Variants in EBNA1BP2 observed in about 807,000 individuals in gnomAD.
The protein encoded by EBNA1BP2 is EBNA1 binding protein 2.
EBNA1BP2 carries 36 observed loss-of-function variants against 43.5 expected under a neutral mutation model. That is an observed-to-expected ratio of 0.83 (90% confidence interval 0.63 to 1.09). The LOEUF (loss-of-function observed/expected upper bound fraction) is 1.09. Among genes scored for constraint, EBNA1BP2 ranks in the 50% least tolerant of loss-of-function variants. EBNA1BP2 has a pLI of 0.00. For missense variants in EBNA1BP2, 332 were observed against 379.1 expected (o/e 0.88, Z 1.03); for synonymous variants, 127 against 141.3 (o/e 0.90, Z 0.72).
At chr1:43,168,220 C>A (rs538240816) in intron 5 of EBNA1BP2, among the ~76,000 whole-genome samples, 62 of 152,312 alleles carry the variant, frequency 4.1e-4, no homozygotes, top group Middle Eastern at 6.8e-3. Flanking sequence ...TGACTCCAAA[C>A]GTGGACAAGA....
upstream of EBNA1BP2, chr1:43,172,524 A>G: frequency 1.5e-6 from 2 of 1,340,232 alleles, no homozygotes; most frequent in South Asian, 1.3e-5. Flanking sequence ...AAGGCAGAAA[A>G]AGGAGCCGCG....
chr1:43,166,749 T>C, intron 7 of EBNA1BP2, 77 bp downstream of exon 7: 3 of 1,422,984 alleles, frequency 2.1e-6, no homozygotes, highest in Non-Finnish European at 2.9e-6. Context: ...GTGGAGGTGC[T>C]ATGTCTGCCA....
intron 4 of EBNA1BP2, among the ~76,000 whole-genome samples, 168 bp downstream of exon 4, chr1:43,170,588 A>C (rs1269379125): frequency 6.6e-6 from 1 of 152,192 alleles, no homozygotes; most frequent in Non-Finnish European, 1.5e-5. Context: ...TATGCATCTA[A>C]TTGGTGGTAA....
intron 7 of EBNA1BP2, 99 bp downstream of exon 7, chr1:43,166,727 A>G (rs1644920651): frequency 8.1e-7 from 1 of 1,239,384 alleles, no homozygotes; most frequent in East Asian, 2.3e-5. Flanking sequence ...TCTGGACTCT[A>G]TGGCTGCGCC....
chr1:43,171,966 G>A lies in EBNA1BP2; in HGVS notation c.70C>T (p.Gln24Ter), dbSNP rs750431554. The A allele has an allele frequency of 2.5e-6, 4 of 1,614,050 alleles. No individual in the cohort carries two copies. The highest frequency in any genetic ancestry group is 3.4e-6 in the Non-Finnish European group (4 of 1,180,028). The change falls in exon 2 of 9, where the codon CAG (glutamine) becomes TAG (stop). Residue 24 changes from glutamine (Q) to a stop codon, truncating the protein, a stop_gained. Coordinates refer to ENST00000236051, the MANE Select transcript of EBNA1BP2 (RefSeq NM_006824.3). LOFTEE classifies it high-confidence loss of function. The stretch of plus-strand genomic sequence containing the variant: ...AGAAGCCCTCGGGAAAACGCATCCT[G>A]CAACTGCAGGACACAATCACGGTCA... ...DESLVTDREL[Q>*]DAFSRGLLKP...
intron 5 of EBNA1BP2, 95 bp from the exon 6 acceptor site, chr1:43,167,330 C>A: frequency 8.5e-7 from 1 of 1,171,744 alleles, no homozygotes; most frequent in South Asian, 1.2e-5. Flanking sequence ...AATACCACTA[C>A]CCTCTGACAT....
intron 5 of EBNA1BP2, among the ~76,000 whole-genome samples, chr1:43,167,851 AGGATATTTAGC>A (rs1644929091): frequency 6.6e-6 from 1 of 152,132 alleles, no homozygotes; most frequent in Non-Finnish European, 1.5e-5. Flanking sequence ...CCTACACTGT[AGGATATTTAGC>A]GGCACCCCTG....
At position 43,172,231 on chromosome 1, in the gene EBNA1BP2, A is replaced by G; in HGVS notation, c.-113T>C. 2 of 1,569,942 alleles carry G rather than the reference A, an allele frequency of 1.3e-6. No individual in the cohort carries two copies. Among genetic ancestry groups the G allele is most frequent in the Non-Finnish European group, 1.7e-6 (2 of 1,156,728 alleles). ...TGCCTGCCTTCAGCCCCCTACTCCCACGCCGTGGCTCCACGTGCCACCGAA... is the reference window on the plus strand; with the variant it reads ...TGCCTGCCTTCAGCCCCCTACTCCCGCGCCGTGGCTCCACGTGCCACCGAA... On this transcript the variant is annotated 5_prime_UTR_variant, in exon 1 of 9. Transcript: ENST00000236051.
At chr1:43,168,250 A>G (rs1172050208) in intron 5 of EBNA1BP2, among the ~76,000 whole-genome samples, 1 of 152,182 alleles carries the variant, frequency 6.6e-6, no homozygotes, top group African/African-American at 2.4e-5. Flanking sequence ...CCCAGATCAC[A>G]AGTGCTTATG....
chr1:43,164,371 G>T lies in EBNA1BP2; in HGVS notation c.*72C>A. On this transcript the variant is annotated 3_prime_UTR_variant, in exon 9 of 9. Coordinates refer to ENST00000236051, the MANE Select transcript of EBNA1BP2 (RefSeq NM_006824.3). ...TGTTTACAACATGACACCAACAGAA[G>T]GGATCAAAGTGTGTCGTGAAATTGC... The T allele has an allele frequency of 6.4e-7, 1 of 1,568,836 alleles. No homozygotes were observed.
rs889443866 is a variant in EBNA1BP2, at chr1:43,172,079, C to G, written c.40G>C (p.Asp14His). 1 of 1,614,106 alleles carries G rather than the reference C, an allele frequency of 6.2e-7. No homozygotes were observed. Among genetic ancestry groups the G allele is most frequent in the South Asian group, 1.1e-5 (1 of 91,088 alleles). ...TCTCTGTCTGTGACAAGGGATTCATCGGATTCCGACTCCGAATCCGAGAGC... is the reference window on the plus strand; with the variant it reads ...TCTCTGTCTGTGACAAGGGATTCATGGGATTCCGACTCCGAATCCGAGAGC... ...PPLSDSESES[D>H]ESLVTDRELQ... The change falls in exon 1 of 9, where the codon GAT becomes CAT. Residue 14 changes from aspartate (D) to histidine (H), a missense_variant. Physicochemically the swap from Asp to His is moderately conservative, Grantham distance 81. Coordinates refer to ENST00000236051, the MANE Select transcript of EBNA1BP2 (RefSeq NM_006824.3).
At chr1:43,172,460 G>C, upstream of EBNA1BP2, 1 of 1,543,990 alleles carries the variant, frequency 6.5e-7, no homozygotes, top group Non-Finnish European at 8.8e-7. Flanking sequence ...AAAGGTGGGA[G>C]GGGGTACCTG....
intron 4 of EBNA1BP2, among the ~76,000 whole-genome samples, chr1:43,169,702 A>C (rs1268103766): frequency 6.6e-6 from 1 of 152,182 alleles, no homozygotes; most frequent in Non-Finnish European, 1.5e-5. Flanking sequence ...AGTATCCTTT[A>C]AAGTCAGAGG....
In EBNA1BP2 at chr1:43,171,565, C is replaced by A; in HGVS notation, c.237G>T (p.Glu79Asp). Residue 79 changes from glutamate (E) to aspartate (D), a missense_variant, in exon 3 of 9, where the codon GAG becomes GAT. This residue lies in a region of EBNA1BP2 where 182 missense variants were observed against 173.7 expected (regional missense o/e 1.05). Coordinates refer to ENST00000236051, the MANE Select transcript of EBNA1BP2 (RefSeq NM_006824.3). ...RLDVTLGPVP[E>D]IGGSEAPAPQ... is the part of the protein sequence containing the mutation. ...GTGCTGGCGCCTCAGATCCACCGAT[C>A]TCCGGTACCGGACCCAGTGTCACAT... 4 of 1,614,222 alleles carry A rather than the reference C, an allele frequency of 2.5e-6. No homozygotes were observed. Among genetic ancestry groups the A allele is most frequent in the Non-Finnish European group, 3.4e-6 (4 of 1,180,038 alleles).
intron 6 of EBNA1BP2, 75 bp from the exon 7 acceptor site, chr1:43,166,994 G>A: frequency 6.5e-7 from 1 of 1,540,694 alleles, no homozygotes; most frequent in Non-Finnish European, 8.9e-7. Flanking sequence ...ATATGAGGCT[G>A]TTATTTGCTA....
At chr1:43,171,864 C>G in intron 2 of EBNA1BP2, 22 bp downstream of exon 2, 1 of 1,612,844 alleles carries the variant, frequency 6.2e-7, no homozygotes, top group Non-Finnish European at 8.5e-7. Flanking sequence ...CCGAGTACCC[C>G]CGACCCTGTG....
At position 43,164,232 on chromosome 1, in the gene EBNA1BP2, G is replaced by C. The variant is rs1644902866; in HGVS notation, c.*211C>G. ...AAAATGAAGGCAATTTGAACTCAATGTCTAAATTATCAATAGATAGCAATG... is the reference window on the plus strand; with the variant it reads ...AAAATGAAGGCAATTTGAACTCAATCTCTAAATTATCAATAGATAGCAATG... On this transcript the variant is annotated 3_prime_UTR_variant, in exon 9 of 9. Transcript: ENST00000236051. The C allele has an allele frequency of 1.7e-6, 1 of 588,790 alleles. No individual in the cohort carries two copies. The highest frequency in any genetic ancestry group is 3.1e-5 in the Admixed American group (1 of 32,634). 36.5% of individuals were successfully genotyped at this position (588,790 alleles called of 1,614,324 possible). A position where few individuals can be genotyped will look rare whatever the true frequency, so the allele number is the denominator to read the frequency against.
intron 7 of EBNA1BP2, 135 bp downstream of exon 7, chr1:43,166,691 C>T: frequency 1.2e-6 from 1 of 850,428 alleles, no homozygotes; most frequent in African/African-American, 1.7e-5. Flanking sequence ...TCATAGGGGT[C>T]CTGGCCCCAG....
chr1:43,164,558 G>A (rs12135134), intron 8 of EBNA1BP2, 65 bp from the exon 9 acceptor site: 20,303 of 1,613,900 alleles, frequency 0.013, 187 homozygotes, highest in Admixed American at 0.043. Context: ...GGGTGAGGAC[G>A]AACAGAACTG....
Sources: gnomAD v4.1 joint callset for allele counts (sites outside exome capture counted in the v4.1 genomes callset) on GRCh38, gnomAD v4.1.1 for gene constraint, gnomAD v4.1.1 regional missense constraint, MANE v1.5 for transcripts, NCBI Gene and HGNC (gene_info 2026-07-23, HGNC 2026-07-21) for gene names.